The following FAT3 variants were observed in gnomAD, a reference collection of about 807,000 sequenced individuals.
FAT3 encodes the protein protocadherin Fat 3.
A neutral mutation model predicts 310.2 loss-of-function variants in FAT3; 95 were observed. That is an observed-to-expected ratio of 0.31 (90% CI 0.26 to 0.36). The LOEUF is 0.36. Ranked by LOEUF, FAT3 falls within the 10% of genes least tolerant of loss-of-function variation. The probability of loss-of-function intolerance (pLI) is 1.00; values close to 1 mark genes in which losing one functional copy is unlikely to be tolerated. For synonymous variants in FAT3, 2,314 were observed against 2,192.9 expected (o/e 1.06, Z -1.54); for missense variants, 5,408 against 5,715.6 (o/e 0.95, Z 1.74).
intron 3 of FAT3, among the ~76,000 whole-genome samples, chr11:92,653,357 G>T (rs1053322752): frequency 2.0e-5 from 3 of 152,122 alleles, no homozygotes; most frequent in Admixed American, 2.0e-4. Flanking sequence ...TGTCATGCCA[G>T]TGGCCCACAT....
chr11:92,474,081 A>G (rs1032206259), intron 2 of FAT3, among the ~76,000 whole-genome samples: 6 of 152,180 alleles, frequency 3.9e-5, no homozygotes, highest in African/African-American at 1.4e-4. Flanking sequence ...GAGCAGCCTG[A>G]TCTTCCTTTG....
chr11:92,706,749 C>T (rs1407876499), intron 4 of FAT3, among the ~76,000 whole-genome samples: 1 of 152,186 alleles, frequency 6.6e-6, no homozygotes, highest in Non-Finnish European at 1.5e-5. Flanking sequence ...ATCTTCCCTT[C>T]ACCTCATGTC....
intron 13 of FAT3, among the ~76,000 whole-genome samples, chr11:92,820,978 C>T (rs999276403): frequency 6.6e-6 from 1 of 152,136 alleles, no homozygotes; most frequent in Non-Finnish European, 1.5e-5. Context: ...CAGGGCCCAC[C>T]TTGGGAAGGA....
intron 7 of FAT3, among the ~76,000 whole-genome samples, chr11:92,784,347 G>A (rs1946832831): frequency 6.6e-6 from 1 of 152,232 alleles, no homozygotes; most frequent in South Asian, 2.1e-4. Flanking sequence ...ACTATAGAAT[G>A]TTTTAAATAC....
At chr11:92,469,780 G>A (rs1951862219) in intron 2 of FAT3, among the ~76,000 whole-genome samples, 1 of 152,016 alleles carries the variant, frequency 6.6e-6, no homozygotes, top group Non-Finnish European at 1.5e-5. Flanking sequence ...CTCCCAAAGT[G>A]CTGGGATTAC....
chr11:92,275,957 T>TATGTGTGTGATACATATAAAAC (rs1946256752), intron 1 of FAT3, among the ~76,000 whole-genome samples: 2 of 29,850 alleles, frequency 6.7e-5, no homozygotes, highest in African/African-American at 4.1e-4. Context: ...TGATCACGTT[T>TATGTGTGTGATACATATAAAAC]ATGTGTGTGA....
At chr11:92,537,983 G>A (rs1954316300) in intron 3 of FAT3, among the ~76,000 whole-genome samples, 1 of 152,016 alleles carries the variant, frequency 6.6e-6, no homozygotes, top group Admixed American at 6.6e-5. Flanking sequence ...ATTGCTGGGA[G>A]TTTTCATCGA....
At chr11:92,507,927 A>G (rs942096191) in intron 2 of FAT3, among the ~76,000 whole-genome samples, 2 of 152,114 alleles carry the variant, frequency 1.3e-5, no homozygotes, top group African/African-American at 2.4e-5. Flanking sequence ...GACATTGGCT[A>G]TGTGATTGTG....
intron 1 of FAT3, among the ~76,000 whole-genome samples, chr11:92,294,066 T>G (rs1256417989): frequency 6.6e-6 from 1 of 152,074 alleles, no homozygotes; most frequent in Non-Finnish European, 1.5e-5. Context: ...ATATATTTTC[T>G]CACAGTTCTG....
chr11:92,849,843 G>A lies in FAT3; in HGVS notation c.11365+5111G>A, dbSNP rs75825625. Among the ~76,000 whole-genome samples the A allele has an allele frequency of 5.1e-3, 771 of 152,290 alleles. 6 individuals are homozygous for A. The highest frequency in any genetic ancestry group is 0.017 in the African/African-American group (726 of 41,558). ...TGGAGATACAGTGGTGAAAGAGGCT[G>A]ATGTGATCCCCATTCCCATGGAGCA... On this transcript the variant is annotated intron_variant, in intron 19 of 27. Coordinates refer to ENST00000525166, the MANE Select transcript of FAT3 (RefSeq NM_001367949.2).
At chr11:92,869,176 G>A (rs1193154174) in intron 22 of FAT3, among the ~76,000 whole-genome samples, 1 of 151,686 alleles carries the variant, frequency 6.6e-6, no homozygotes. Context: ...AATGAAGATG[G>A]TATCTTTCCT....
chr11:92,854,517 A>G (rs764020013), intron 19 of FAT3, among the ~76,000 whole-genome samples: 2 of 152,210 alleles, frequency 1.3e-5, no homozygotes, highest in Non-Finnish European at 2.9e-5. Context: ...TATCGCTACC[A>G]TCACTGTGCT....
At chr11:92,530,348 G>A (rs976272797) in intron 3 of FAT3, among the ~76,000 whole-genome samples, 3 of 152,066 alleles carry the variant, frequency 2.0e-5, no homozygotes, top group Non-Finnish European at 1.5e-5. Context: ...GGTTCTATAT[G>A]AAACAAATGA....
At chr11:92,720,791 CTT>C (rs1944838422) in intron 4 of FAT3, among the ~76,000 whole-genome samples, 1 of 152,056 alleles carries the variant, frequency 6.6e-6, no homozygotes, top group African/African-American at 2.4e-5. Flanking sequence ...TTAAAAATGA[CTT>C]ATTATTAAAC....
At chr11:92,378,509 C>T (rs187817928) in intron 2 of FAT3, among the ~76,000 whole-genome samples, 1 of 152,256 alleles carries the variant, frequency 6.6e-6, no homozygotes, top group East Asian at 1.9e-4. Flanking sequence ...TTTCAGACAG[C>T]AGTTTTCACA....
intron 8 of FAT3, among the ~76,000 whole-genome samples, chr11:92,792,137 A>G (rs1947055596): frequency 6.6e-6 from 1 of 152,164 alleles, no homozygotes; most frequent in Admixed American, 6.6e-5. Flanking sequence ...ATGCTAGGTT[A>G]GTTTCTTCTC....
At position 92,676,094 on chromosome 11, in the gene FAT3, C is replaced by A. The variant is rs1591595887; in HGVS notation, c.3608-21290C>A. Among the ~76,000 whole-genome samples, 4 of 152,198 alleles carry A rather than the reference C, an allele frequency of 2.6e-5. No homozygotes were observed. In the South Asian group the frequency reaches 8.3e-4, roughly 32 times the overall value. ...GATAAGAAAAAAGAAAGTACGGATG[C>A]TTTTAAAGCAGCGAGCAGCAAATAT... is the stretch of plus-strand genomic sequence containing the variant. On this transcript the variant is annotated intron_variant, in intron 3 of 27. Coordinates refer to ENST00000525166, the MANE Select transcript of FAT3 (RefSeq NM_001367949.2).
chr11:92,277,954 C>G (rs1335348222), intron 1 of FAT3, among the ~76,000 whole-genome samples: 4 of 151,868 alleles, frequency 2.6e-5, no homozygotes, highest in Non-Finnish European at 5.9e-5. Flanking sequence ...CCTGGTGGCA[C>G]AAGCCTGTAT....
At chr11:92,343,367 C>T (rs1257786440) in intron 1 of FAT3, among the ~76,000 whole-genome samples, 1 of 151,952 alleles carries the variant, frequency 6.6e-6, no homozygotes, top group African/African-American at 2.4e-5. Context: ...ATATCATATC[C>T]CTGTAAATAA....
Sources: allele counts gnomAD v4.1 joint callset (sites outside exome capture counted in the v4.1 genomes callset), GRCh38; gene constraint gnomAD v4.1.1; transcripts MANE v1.5; gene names NCBI Gene and HGNC (gene_info 2026-07-23, HGNC 2026-07-21).